Variants in MYH8 observed in about 807,000 individuals in gnomAD.
The protein encoded by MYH8 is myosin-8.
In MYH8, 168 loss-of-function variants were observed where a neutral mutation model predicts 233.2. The ratio of observed to expected loss-of-function variants is 0.72; its 90% CI spans 0.64 to 0.82. The LOEUF (loss-of-function observed/expected upper bound fraction) is 0.82, where lower values mean the gene tolerates loss of function less well. Ranked by LOEUF, MYH8 falls within the 40% of genes least tolerant of loss-of-function variation. The probability of loss-of-function intolerance (pLI) is 0.00; values close to 1 mark genes in which losing one functional copy is unlikely to be tolerated. For synonymous variants in MYH8, 785 were observed against 850.6 expected, an observed-to-expected ratio of 0.92 and a Z score of 1.34; for missense variants, 1,995 against 2,327.8, an observed-to-expected ratio of 0.86 and a Z score of 2.94.
At chr17:10,421,343 C>G (rs2072338179) in intron 2 of MYH8, among the ~76,000 whole-genome samples, 1 of 152,096 alleles carries the variant, frequency 6.6e-6, no homozygotes, top group Non-Finnish European at 1.5e-5. Context: ...TGTCCTAAGT[C>G]CTCAATGCTT....
intron 38 of MYH8, 99 bp from the exon 39 acceptor site, chr17:10,392,076 G>A: frequency 3.2e-6 from 3 of 947,928 alleles, no homozygotes; most frequent in Non-Finnish European, 5.2e-6. Flanking sequence ...GGTGGGCCTG[G>A]GGTAAACTTG....
Position 10,420,233 on chromosome 17 carries a change from C to G in MYH8, c.-6G>C, listed in dbSNP as rs1460337648. 5 of 1,612,558 alleles carry G rather than the reference C, an allele frequency of 3.1e-6. No homozygotes were observed. The highest frequency in any genetic ancestry group is 4.2e-6 in the Non-Finnish European group (5 of 1,179,982). ...GCGTCTGAGCTCGCACTCATGGCTGCGATTTATTTAGCAAAGGATTCTGCC... is the reference window on the plus strand; with the variant it reads ...GCGTCTGAGCTCGCACTCATGGCTGGGATTTATTTAGCAAAGGATTCTGCC... On this transcript the variant is annotated 5_prime_UTR_variant, in exon 3 of 40. Transcript: ENST00000403437.
chr17:10,396,540 T>C lies in MYH8; in HGVS notation c.4528+13A>G. ...CAGGGATATATGGAGTAGGGAGGAC[T>C]GTGAGGACTCACGTTGCAAGTTCTT... On this transcript the variant is annotated intron_variant, in intron 32 of 39. Transcript: ENST00000403437. This position sits in a 1 kb window ranked among gnomAD's most constrained non-coding sequence, Gnocchi z 4.2. 1 of 1,613,928 alleles carries C rather than the reference T, an allele frequency of 6.2e-7. No homozygotes were observed. The highest frequency in any genetic ancestry group is 8.5e-7 in the Non-Finnish European group (1 of 1,179,872).
At chr17:10,412,263 G>A in intron 14 of MYH8, 107 bp downstream of exon 14, 3 of 1,607,402 alleles carry the variant, frequency 1.9e-6, no homozygotes, top group Non-Finnish European at 2.6e-6. Flanking sequence ...TAGGTGCAGT[G>A]TTGGAGCAAG....
At chr17:10,391,728 AT>A (rs1162048409) in intron 39 of MYH8, among the ~76,000 whole-genome samples, 153 bp downstream of exon 39, 2 of 152,164 alleles carry the variant, frequency 1.3e-5, no homozygotes, top group African/African-American at 4.8e-5. Context: ...TGTAATTTGG[AT>A]TTGGCGGGAC....
chr17:10,401,089 C>A lies in MYH8; in HGVS notation c.3211G>T (p.Asp1071Tyr), dbSNP rs764088983. Residue 1071 changes from aspartate to tyrosine, a missense_variant, in exon 25 of 40, where the codon GAT becomes TAT. This residue lies in a region of MYH8 where 1,498 missense variants were observed against 1,680.9 expected (regional missense o/e 0.89). Coordinates refer to ENST00000403437, the MANE Select transcript of MYH8 (RefSeq NM_002472.3). ...AGTTGCTGTTTGTCATTTTCCATAT[C>A]CATTGTGGATTCTTGGGCCAATTTG... ...DLKLAQESTM[D>Y]MENDKQQLDE... 2.5e-6 allele frequency: 4 copies of A among 1,614,044 alleles called. No homozygotes were observed. In the Admixed American group the frequency reaches 6.7e-5, roughly 27 times the overall value.
In MYH8 at chr17:10,419,134, T is replaced by C; in HGVS notation, c.211-104A>G. ...GTGCAGTGGCGCGATCTCAGCTCAC[T>C]GCAACCTCCGCCCTCCTGCTTCAAG... On this transcript the variant is annotated intron_variant, in intron 3 of 39. Coordinates refer to ENST00000403437, the MANE Select transcript of MYH8 (RefSeq NM_002472.3). The surrounding 1 kb of genome is among the most constrained non-coding windows in gnomAD (Gnocchi z 4.0). 7.5e-7 allele frequency: 1 copy of C among 1,330,654 alleles called. No homozygotes were observed. The allele number at this position is 1,330,654 out of a possible 1,614,324, so 82.4% of individuals were successfully genotyped here.
At position 10,417,875 on chromosome 17, in the gene MYH8, A is replaced by C. The variant is rs1272331195; in HGVS notation, c.511+770T>G. Among the ~76,000 whole-genome samples the C allele has an allele frequency of 6.6e-6, 1 of 152,168 alleles. No homozygotes were observed. The highest frequency in any genetic ancestry group is 1.9e-4 in the East Asian group (1 of 5,198). On this transcript the variant is annotated intron_variant, in intron 5 of 39. Coordinates refer to ENST00000403437, the MANE Select transcript of MYH8 (RefSeq NM_002472.3). This position sits in a 1 kb window ranked among gnomAD's most constrained non-coding sequence, Gnocchi z 4.1. ...ATTTAAAAACAAGTGCAAAAAAACA[A>C]ACCAAAAAGAAAGAAAAAACACCTT...
chr17:10,391,881 C>T lies in MYH8; in HGVS notation c.5664+1G>A. ...TTCCTCAAGGGCTTAAAGATACTTA[C>T]AGCCTCCTCAGCTTGTCTCTTGTAT... On this transcript the variant is annotated splice_donor_variant, in intron 39 of 39. Coordinates refer to ENST00000403437, the MANE Select transcript of MYH8 (RefSeq NM_002472.3). LOFTEE classifies it high-confidence loss of function. 2 of 1,612,000 alleles carry T rather than the reference C, an allele frequency of 1.2e-6. No individual in the cohort carries two copies. Among genetic ancestry groups the T allele is most frequent in the Non-Finnish European group, 1.7e-6 (2 of 1,178,078 alleles).
chr17:10,408,045 A>T (rs2072211154), intron 17 of MYH8, among the ~76,000 whole-genome samples: 1 of 150,576 alleles, frequency 6.6e-6, no homozygotes. Flanking sequence ...GGTGCAAGCG[A>T]TTCTTCTGCC....
chr17:10,418,694 C>T lies in MYH8; in HGVS notation c.462G>A (p.Pro154=), dbSNP rs376637883. Residue 154 remains proline (P), a synonymous_variant, in exon 5 of 40, where the codon CCG becomes CCA. Coordinates refer to ENST00000403437, the MANE Select transcript of MYH8 (RefSeq NM_002472.3). ...TGTCAGAGATGGAGAAGATGTGGGG[C>T]GGGGCCTCCTGGCGCTTTTTGCCTC... ...AYRGKKRQEA[P]PHIFSISDNA... The T allele has an allele frequency of 5.6e-6, 9 of 1,613,746 alleles. No individual in the cohort carries two copies. The highest frequency in any genetic ancestry group is 5.3e-5 in the African/African-American group (4 of 74,906).
At position 10,393,056 on chromosome 17, in the gene MYH8, C is replaced by T. The variant is rs768599210; in HGVS notation, c.5292+29G>A. On this transcript the variant is annotated intron_variant, in intron 36 of 39. Coordinates refer to ENST00000403437, the MANE Select transcript of MYH8 (RefSeq NM_002472.3). ...GAAACTTGATGATAGCAGGTGCATA[C>T]GTGTCAGTAGGCCAAATGTTCATCT... is the stretch of plus-strand genomic sequence containing the variant. The T allele has an allele frequency of 3.4e-5, 55 of 1,614,232 alleles. 1 individual carries two copies. The Admixed American group carries it at 4.5e-4, about 13-fold the overall frequency.
At position 10,396,617 on chromosome 17, in the gene MYH8, C is replaced by T; in HGVS notation, c.4464G>A (p.Lys1488=). 1 of 1,614,212 alleles carries T rather than the reference C, an allele frequency of 6.2e-7. No individual in the cohort carries two copies. Among genetic ancestry groups the T allele is most frequent in the Non-Finnish European group, 8.5e-7 (1 of 1,180,044 alleles). ...GATCCAGGGATTCCTCATAGACATT[C>T]TTCACCTTGAACAGCTCAGTGCTAA... ...RSLSTELFKV[K]NVYEESLDQL... is the part of the protein sequence containing the mutation. Residue 1488 remains lysine (K), a synonymous_variant, in exon 32 of 40, where the codon AAG becomes AAA. Transcript: ENST00000403437. The surrounding 1 kb of genome is among the most constrained non-coding windows in gnomAD (Gnocchi z 4.2).
At chr17:10,405,633 T>C (rs2072186040) in intron 21 of MYH8, among the ~76,000 whole-genome samples, 1 of 152,024 alleles carries the variant, frequency 6.6e-6, no homozygotes, top group Non-Finnish European at 1.5e-5. Context: ...AATTGGTAAA[T>C]AGATAAATTA....
In MYH8 at chr17:10,409,511, C is replaced by G. The variant is rs150314967; in HGVS notation, c.1665G>C (p.Leu555=). ...KATDTSFKNK[L]YDQHLGKSAN... is the part of the protein sequence containing the mutation. ...CAGACTTGCCCAGGTGCTGGTCATA[C>G]AGCTTGTTCTTGAAGGAGGTGTCCG... Residue 555 remains leucine (L), a synonymous_variant, in exon 16 of 40, where the codon CTG becomes CTC. Coordinates refer to ENST00000403437, the MANE Select transcript of MYH8 (RefSeq NM_002472.3). The G allele has an allele frequency of 3.7e-6, 6 of 1,614,140 alleles. No homozygotes were observed. In the African/African-American group the frequency reaches 4.0e-5, roughly 11 times the overall value.
At position 10,419,755 on chromosome 17, in the gene MYH8, G is replaced by C. The variant is rs930713322; in HGVS notation, c.210+263C>G. On this transcript the variant is annotated intron_variant, in intron 3 of 39. Transcript: ENST00000403437. This position sits in a 1 kb window ranked among gnomAD's most constrained non-coding sequence, Gnocchi z 4.0. Reference sequence around the variant, plus strand: ...AGGAGCTTGTTTTCATTTCCCTCAAGTTTGGACATTCAGACTAGGAAGTGG... The same window carrying C: ...AGGAGCTTGTTTTCATTTCCCTCAACTTTGGACATTCAGACTAGGAAGTGG... Among the ~76,000 whole-genome samples the C allele has an allele frequency of 6.6e-6, 1 of 152,104 alleles. No homozygotes were observed. The highest frequency in any genetic ancestry group is 1.9e-4 in the East Asian group (1 of 5,192).
rs779526312 is a variant in MYH8, at chr17:10,398,657, T to G, written c.3982-17A>C. On this transcript the variant is annotated splice_polypyrimidine_tract_variant and intron_variant, in intron 29 of 39. Coordinates refer to ENST00000403437, the MANE Select transcript of MYH8 (RefSeq NM_002472.3). ...GTTCTTGGCCTGCAGAAGTAGCAGTTCAGTGACATAAATTCATGTATTCAG... is the reference window on the plus strand; with the variant it reads ...GTTCTTGGCCTGCAGAAGTAGCAGTGCAGTGACATAAATTCATGTATTCAG... 11 of 1,614,060 alleles carry G rather than the reference T, an allele frequency of 6.8e-6. No individual in the cohort carries two copies. Among genetic ancestry groups the G allele is most frequent in the Admixed American group, 1.7e-5 (1 of 60,002 alleles).
intron 34 of MYH8, 26 bp from the exon 35 acceptor site, chr17:10,394,478 T>G: frequency 6.2e-7 from 1 of 1,612,130 alleles, no homozygotes. Context: ...CAGAAAGGCC[T>G]TAAGTGTTCT....
At position 10,397,006 on chromosome 17, in the gene MYH8, G is replaced by T; in HGVS notation, c.4179-20C>A. On this transcript the variant is annotated intron_variant, in intron 30 of 39. Coordinates refer to ENST00000403437, the MANE Select transcript of MYH8 (RefSeq NM_002472.3). ...TTTTTCCTGAAAAGTTAGCCAGGCA[G>T]TCAGGAGAATGGCCAAGACCAGAAG... 6.2e-7 allele frequency: 1 copy of T among 1,613,992 alleles called. No homozygotes were observed. The highest frequency in any genetic ancestry group is 1.3e-5 in the African/African-American group (1 of 75,060).
Sources: gnomAD v4.1 joint callset for allele counts (sites outside exome capture counted in the v4.1 genomes callset) on GRCh38, gnomAD v4.1.1 for gene constraint, gnomAD v4.1.1 regional missense constraint, Gnocchi (gnomAD v3.1) non-coding constraint, MANE v1.5 for transcripts, NCBI Gene and HGNC (gene_info 2026-07-23, HGNC 2026-07-21) for gene names.